GLMN: variants seen among roughly 807,000 people sequenced by gnomAD.
GLMN encodes glomulin.
A neutral mutation model predicts 87.8 loss-of-function variants in GLMN; 75 were observed. That is an observed-to-expected ratio of 0.85 (90% CI 0.71 to 1.04). The LOEUF (loss-of-function observed/expected upper bound fraction) is 1.04, where lower values mean the gene tolerates loss of function less well. GLMN is among the 50% of genes least tolerant of loss of function. GLMN has a pLI of 0.00. For synonymous variants in GLMN, 206 were observed against 221.6 expected (o/e 0.93, Z 0.63); for missense variants, 588 against 658.8 (o/e 0.89, Z 1.18).
the GLMN span, among the ~76,000 whole-genome samples, chr1:92,313,100 C>T: frequency 2.0e-5 from 3 of 152,208 alleles, no homozygotes; most frequent in Non-Finnish European, 4.4e-5. Flanking sequence ...CTCCTGGCCC[C>T]AAGTAATCCA....
At chr1:92,341,278 G>T in the GLMN span, among the ~76,000 whole-genome samples, 1 of 152,066 alleles carries the variant, frequency 6.6e-6, no homozygotes, top group Non-Finnish European at 1.5e-5. Context: ...CAAAGTGCTG[G>T]TATTACAGGC....
At chr1:92,310,387 C>G in the GLMN span, among the ~76,000 whole-genome samples, 5 of 152,190 alleles carry the variant, frequency 3.3e-5, no homozygotes, top group Non-Finnish European at 7.4e-5. Context: ...CATTTAAGCT[C>G]TACAGAAATG....
chr1:92,263,686 AGG>A lies in GLMN; in HGVS notation c.1344_1345del (p.Leu449SerfsTer2). On this transcript the variant is annotated frameshift_variant, in exon 15 of 19. Transcript: ENST00000370360. LOFTEE classifies it high-confidence loss of function. ...TGGGAGAAAAAGTACCAAATCAAGA[AGG>A]GAAATCAACTGTGGTCCTGTAAACC... is the stretch of plus-strand genomic sequence containing the variant. The A allele has an allele frequency of 6.2e-7, 1 of 1,605,288 alleles. No homozygotes were observed. Among genetic ancestry groups the A allele is most frequent in the South Asian group, 1.1e-5 (1 of 90,908 alleles).
At chr1:92,262,144 A>G (rs2100863434) in intron 16 of GLMN, among the ~76,000 whole-genome samples, 1 of 152,282 alleles carries the variant, frequency 6.6e-6, no homozygotes, top group Admixed American at 6.5e-5. Context: ...GATTTACCTA[A>G]TTTAAAAAAA....
At chr1:92,265,411 C>A (rs917607880) in intron 13 of GLMN, among the ~76,000 whole-genome samples, 5 of 151,808 alleles carry the variant, frequency 3.3e-5, no homozygotes, top group Admixed American at 6.6e-5. Flanking sequence ...ACAGGAAAGC[C>A]GGTATAATAC....
intron 3 of GLMN, among the ~76,000 whole-genome samples, chr1:92,293,806 A>AT (rs1339372662): frequency 2.0e-5 from 3 of 152,188 alleles, no homozygotes; most frequent in Non-Finnish European, 4.4e-5. Context: ...GTCATTTGCA[A>AT]TAACATGGAT....
At chr1:92,256,790 C>G (rs1570850961) in intron 16 of GLMN, among the ~76,000 whole-genome samples, 1 of 152,234 alleles carries the variant, frequency 6.6e-6, no homozygotes, top group Non-Finnish European at 1.5e-5. Flanking sequence ...AAACCCACAG[C>G]CAATATCATA....
Position 92,266,475 on chromosome 1 carries a change from A to G in GLMN, c.1158T>C (p.Ala386=). 6.4e-7 allele frequency: 1 copy of G among 1,568,032 alleles called. No individual in the cohort carries two copies. Among genetic ancestry groups the G allele is most frequent in the Non-Finnish European group, 8.8e-7 (1 of 1,139,222 alleles). The change falls in exon 13 of 19, where the codon GCT becomes GCC. Residue 386 remains alanine, a synonymous_variant. Transcript: ENST00000370360. The part of the protein sequence containing the change: ...PIETLRKKSL[A]MLQLYINKLD... ...ACTTGTTAATATACAGCTGAAGCAT[A>G]GCTAAACTCTTTTTCCTCTAAAATG...
chr1:92,291,605 T>C (rs1269585627), intron 3 of GLMN, 68 bp from the exon 4 acceptor site: 2 of 1,483,114 alleles, frequency 1.3e-6, no homozygotes, highest in African/African-American at 1.4e-5. Context: ...TGCTTTCCTA[T>C]CTTGGAAGAG....
the GLMN span, among the ~76,000 whole-genome samples, chr1:92,327,090 T>C: frequency 4.6e-5 from 7 of 152,248 alleles, no homozygotes; most frequent in Non-Finnish European, 1.0e-4. Flanking sequence ...GGTAGAATGT[T>C]CTGTAAATAT....
At chr1:92,284,870 C>T (rs1233290250) in intron 7 of GLMN, among the ~76,000 whole-genome samples, 5 of 152,176 alleles carry the variant, frequency 3.3e-5, no homozygotes, top group African/African-American at 1.2e-4. Context: ...AAAAAATGCT[C>T]ATCATCACTG....
intron 7 of GLMN, among the ~76,000 whole-genome samples, chr1:92,281,639 T>C (rs1036743178): frequency 6.6e-6 from 1 of 152,146 alleles, no homozygotes; most frequent in South Asian, 2.1e-4. Context: ...TAAATGTAAA[T>C]GGGCTAAATG....
chr1:92,303,916 G>A (rs1018775207), upstream of GLMN: 39 of 1,111,000 alleles, frequency 3.5e-5, no homozygotes, highest in Non-Finnish European at 5.1e-5. Context: ...GAGGCTTAGA[G>A]AGCTGATAAA....
the GLMN span, among the ~76,000 whole-genome samples, chr1:92,334,263 T>C: frequency 6.6e-6 from 1 of 152,198 alleles, no homozygotes; most frequent in East Asian, 1.9e-4. Flanking sequence ...TAGGAGTTTT[T>C]TGTTGTTTGT....
the GLMN span, among the ~76,000 whole-genome samples, chr1:92,353,415 A>T: frequency 6.6e-6 from 1 of 152,216 alleles, no homozygotes; most frequent in African/African-American, 2.4e-5. Flanking sequence ...AAAAACTTAA[A>T]TATGCCTAAT....
the GLMN span, chr1:92,307,299 T>C: frequency 1.4e-6 from 2 of 1,466,778 alleles, no homozygotes; most frequent in South Asian, 2.4e-5. Context: ...ATTGTGTATA[T>C]ACATTTGTTC....
chr1:92,335,556 G>A, the GLMN span, among the ~76,000 whole-genome samples: 1 of 151,882 alleles, frequency 6.6e-6, no homozygotes, highest in East Asian at 1.9e-4. Context: ...ATTCTATTTG[G>A]TTCTCTCTGT....
intron 16 of GLMN, among the ~76,000 whole-genome samples, chr1:92,260,663 T>C (rs1003753472): frequency 2.8e-5 from 4 of 143,244 alleles, no homozygotes; most frequent in Admixed American, 7.4e-5. Context: ...GAGGCTGACG[T>C]GGGAGGATTG....
At chr1:92,257,334 A>G (rs1013769664) in intron 16 of GLMN, among the ~76,000 whole-genome samples, 1 of 152,236 alleles carries the variant, frequency 6.6e-6, no homozygotes, top group Admixed American at 6.5e-5. Flanking sequence ...AAAGTAATTT[A>G]TAGATTCAAT....
Sources: gnomAD v4.1 joint callset for allele counts (sites outside exome capture counted in the v4.1 genomes callset) on GRCh38, gnomAD v4.1.1 for gene constraint, MANE v1.5 for transcripts, NCBI Gene and HGNC (gene_info 2026-07-23, HGNC 2026-07-21) for gene names.